The following PCDH11X variants were observed in gnomAD, a reference collection of about 807,000 sequenced individuals.
PCDH11X encodes the protein protocadherin-11 X-linked.
A neutral mutation model predicts 53.3 loss-of-function variants in PCDH11X; 18 were observed. The ratio of observed to expected loss-of-function variants is 0.34; its 90% CI spans 0.23 to 0.50. The LOEUF is 0.50. Among genes scored for constraint, PCDH11X ranks in the 20% least tolerant of loss-of-function variants. The pLI is 0.98. For missense variants in PCDH11X, 570 were observed against 1,032.4 expected, an observed-to-expected ratio of 0.55 and a Z score of 6.14; for synonymous variants, 279 against 393.3, an observed-to-expected ratio of 0.71 and a Z score of 3.44.
intron 6 of PCDH11X, among the ~76,000 whole-genome samples, chrX:91,941,515 C>T (rs1377033055): frequency 9.2e-6 from 1 of 108,523 alleles, no homozygotes; most frequent in Non-Finnish European, 1.9e-5. Flanking sequence ...AGGATATACT[C>T]ATTATTCATG....
At chrX:92,456,465 GA>G (rs1469485794) in intron 9 of PCDH11X, among the ~76,000 whole-genome samples, 2 of 110,604 alleles carry the variant, frequency 1.8e-5, no homozygotes, top group Non-Finnish European at 3.8e-5. Flanking sequence ...TGTTATATAA[GA>G]ACTAAAACTT....
intron 10 of PCDH11X, among the ~76,000 whole-genome samples, chrX:92,533,902 C>T (rs1174751745): frequency 9.4e-6 from 1 of 106,387 alleles, no homozygotes; most frequent in Non-Finnish European, 1.9e-5. Context: ...TGTAGGTCAC[C>T]ATCATCAAAG....
At chrX:92,216,635 A>G (rs2066721199) in intron 7 of PCDH11X, among the ~76,000 whole-genome samples, 1 of 90,430 alleles carries the variant, frequency 1.1e-5, no homozygotes, top group East Asian at 3.4e-4. Context: ...TCTGCAGGAC[A>G]TTATTCAGGA....
chrX:92,158,502 A>C (rs2148253582), intron 6 of PCDH11X, among the ~76,000 whole-genome samples: 1 of 110,086 alleles, frequency 9.1e-6, no homozygotes, highest in East Asian at 2.9e-4. Context: ...AGAGCAAGAG[A>C]CTGTCTCAAA....
At chrX:92,105,620 T>C (rs1200365573) in intron 6 of PCDH11X, among the ~76,000 whole-genome samples, 44 of 90,476 alleles carry the variant, frequency 4.9e-4, no homozygotes, top group African/African-American at 1.6e-3. Context: ...GTTTGTTCTC[T>C]GGCGGGTAGG....
chrX:92,588,756 C>A (rs1225825161), intron 10 of PCDH11X, among the ~76,000 whole-genome samples: 1 of 109,934 alleles, frequency 9.1e-6, no homozygotes, highest in Non-Finnish European at 1.9e-5. Flanking sequence ...CAAGGGGATA[C>A]TATTGAATAA....
At chrX:92,315,708 GT>G (rs1439132727) in intron 8 of PCDH11X, among the ~76,000 whole-genome samples, 1 of 106,412 alleles carries the variant, frequency 9.4e-6, no homozygotes, top group Non-Finnish European at 1.9e-5. Context: ...GCTGATTTCT[GT>G]ATTTTATGTA....
intron 6 of PCDH11X, among the ~76,000 whole-genome samples, chrX:92,160,927 C>T (rs111340853): frequency 0.055 from 6,140 of 110,740 alleles, 452 homozygotes; most frequent in African/African-American, 0.19. Flanking sequence ...ATCATTAGTG[C>T]TGTTGATCAG....
chrX:92,361,038 A>G (rs1304417844), intron 8 of PCDH11X, among the ~76,000 whole-genome samples: 1 of 109,959 alleles, frequency 9.1e-6, no homozygotes. Flanking sequence ...ATTCATTTGA[A>G]ACTCTTAGTC....
At chrX:92,210,936 T>A (rs759612941) in intron 7 of PCDH11X, among the ~76,000 whole-genome samples, 2 of 111,689 alleles carry the variant, frequency 1.8e-5, no homozygotes, top group East Asian at 5.7e-4. Context: ...ATTTAACAAG[T>A]CTCTAGGAAG....
At chrX:92,516,389 A>C (rs1336106431) in intron 10 of PCDH11X, among the ~76,000 whole-genome samples, 1 of 112,476 alleles carries the variant, frequency 8.9e-6, no homozygotes, top group Non-Finnish European at 1.9e-5. Flanking sequence ...ATGAAGAAAT[A>C]AAATGAAGCT....
chrX:92,201,990 A>C (rs769578129), intron 7 of PCDH11X, among the ~76,000 whole-genome samples: 3 of 111,436 alleles, frequency 2.7e-5, no homozygotes, highest in Non-Finnish European at 5.6e-5. Context: ...GTTTTAGAGC[A>C]GGAGTGACAG....
At chrX:91,892,660 A>T (rs2524555) in intron 6 of PCDH11X, among the ~76,000 whole-genome samples, 101 of 110,422 alleles carry the variant, frequency 9.1e-4, no homozygotes, top group African/African-American at 3.2e-3. Context: ...ATAAACTGCA[A>T]TTGGCGATAT....
intron 5 of PCDH11X, among the ~76,000 whole-genome samples, chrX:91,865,564 G>T (rs760169675): frequency 1.8e-5 from 2 of 111,743 alleles, no homozygotes; most frequent in Admixed American, 9.5e-5. Flanking sequence ...AGCCAGCCAG[G>T]TCTATGTCTT....
At chrX:92,590,678 T>A (rs1924942988) in intron 10 of PCDH11X, among the ~76,000 whole-genome samples, 1 of 111,432 alleles carries the variant, frequency 9.0e-6, no homozygotes, top group African/African-American at 3.3e-5. Flanking sequence ...ATCTCCTCAG[T>A]TGGGTGAAGA....
At chrX:92,006,038 T>A in intron 6 of PCDH11X, among the ~76,000 whole-genome samples, 1 of 111,860 alleles carries the variant, frequency 8.9e-6, no homozygotes. Flanking sequence ...AATCCTTTCT[T>A]AACTGTTAAC....
chrX:92,217,852 T>C (rs1049658235), intron 7 of PCDH11X, among the ~76,000 whole-genome samples: 2 of 110,914 alleles, frequency 1.8e-5, no homozygotes, highest in African/African-American at 6.6e-5. Flanking sequence ...TAACAAACTG[T>C]CTCTCAGACC....
At chrX:91,879,809 A>G in intron 6 of PCDH11X, 14 of 744,281 alleles carry the variant, frequency 1.9e-5, no homozygotes, top group Non-Finnish European at 2.2e-5. Context: ...TTTTCAGATT[A>G]GGAACTCAAA....
chrX:92,102,610 C>T (rs1246214936), intron 6 of PCDH11X, among the ~76,000 whole-genome samples: 1 of 111,814 alleles, frequency 8.9e-6, no homozygotes, highest in Non-Finnish European at 1.9e-5. Context: ...TCTGTGAAGC[C>T]TTGTGGCAGT....
Sources: allele counts gnomAD v4.1 joint callset (sites outside exome capture counted in the v4.1 genomes callset), GRCh38; gene constraint gnomAD v4.1.1; transcripts MANE v1.5; gene names NCBI Gene and HGNC (gene_info 2026-07-23, HGNC 2026-07-21).